Variants in ZNF354C observed in about 807,000 individuals in gnomAD.
ZNF354C encodes the protein zinc finger protein 354C.
ZNF354C carries 7 observed loss-of-function variants against 12.4 expected under a neutral mutation model. The observed-to-expected ratio is 0.56, with a 90% CI of 0.32 to 1.06. The LOEUF (loss-of-function observed/expected upper bound fraction) is 1.06. Among genes scored for constraint, ZNF354C ranks in the 50% least tolerant of loss-of-function variants. ZNF354C has a pLI of 0.04. For synonymous variants in ZNF354C, 202 were observed against 224.5 expected (o/e 0.90, Z 0.90); for missense variants, 609 against 658.0 (o/e 0.93, Z 0.81).
At chr5:179,071,795 A>G (rs775164827) in intron 2 of ZNF354C, among the ~76,000 whole-genome samples, 1 of 152,208 alleles carries the variant, frequency 6.6e-6, no homozygotes, top group Non-Finnish European at 1.5e-5. Flanking sequence ...GATTCTGTGC[A>G]CAAACTCTGC....
intron 4 of ZNF354C, among the ~76,000 whole-genome samples, chr5:179,078,481 T>G (rs923839929): frequency 6.6e-6 from 1 of 152,238 alleles, no homozygotes; most frequent in African/African-American, 2.4e-5. Flanking sequence ...ATTTGTCCAG[T>G]GTATTCTCCC....
At chr5:179,068,842 G>A (rs991852609) in intron 2 of ZNF354C, among the ~76,000 whole-genome samples, 1 of 152,190 alleles carries the variant, frequency 6.6e-6, no homozygotes, top group African/African-American at 2.4e-5. Flanking sequence ...AGATCAAGGT[G>A]TGGGCAAGTC....
chr5:179,072,073 A>T (rs2113116977), intron 2 of ZNF354C, among the ~76,000 whole-genome samples: 1 of 152,262 alleles, frequency 6.6e-6, no homozygotes, highest in African/African-American at 2.4e-5. Context: ...ACCAAAACTC[A>T]AGAGGAAGAC....
Position 179,082,692 on chromosome 5 carries a change from T to C in ZNF354C, c.*2595T>C, listed in dbSNP as rs553490377. 6.3e-7 allele frequency: 1 copy of C among 1,593,102 alleles called. No homozygotes were observed. Among genetic ancestry groups the C allele is most frequent in the South Asian group, 1.1e-5 (1 of 90,474 alleles). ...ATGTGGTTAGTCAATGACACCAGCT[T>C]GACGGATCTTTCTTTCTGCACCAAA... is the stretch of plus-strand genomic sequence containing the variant. On this transcript the variant is annotated 3_prime_UTR_variant, in exon 5 of 5. Coordinates refer to ENST00000315475, the MANE Select transcript of ZNF354C (RefSeq NM_014594.3).
At chr5:179,062,904 C>T (rs1305364617) in intron 2 of ZNF354C, among the ~76,000 whole-genome samples, 1 of 152,156 alleles carries the variant, frequency 6.6e-6, no homozygotes, top group Non-Finnish European at 1.5e-5. Context: ...ATTTTCATTA[C>T]TTTAACCCTC....
At chr5:179,074,015 G>T (rs560675102) in intron 2 of ZNF354C, among the ~76,000 whole-genome samples, 6 of 150,352 alleles carry the variant, frequency 4.0e-5, no homozygotes, top group African/African-American at 1.5e-4. Context: ...AAAGAGTCTC[G>T]CTCTGTCTCC....
intron 2 of ZNF354C, among the ~76,000 whole-genome samples, chr5:179,063,950 G>A (rs755264353): frequency 6.6e-6 from 1 of 152,190 alleles, no homozygotes; most frequent in Non-Finnish European, 1.5e-5. Flanking sequence ...GCCTCACTAG[G>A]CCTGATTCCT....
At chr5:179,061,986 G>T (rs1761900190) in intron 1 of ZNF354C, 29 bp from the exon 2 acceptor site, 5 of 1,492,950 alleles carry the variant, frequency 3.3e-6, no homozygotes, top group East Asian at 2.3e-5. Context: ...TGACGCCAGG[G>T]TTCCTCTTGA....
rs571443852 is a variant in ZNF354C, at chr5:179,082,371, T to C, written c.*2274T>C. On this transcript the variant is annotated 3_prime_UTR_variant, in exon 5 of 5. Coordinates refer to ENST00000315475, the MANE Select transcript of ZNF354C (RefSeq NM_014594.3). Reference sequence around the variant, plus strand: ...TTAAATCTTTTGTCTAGACTTATCTTCCTGTTTAAAGAAATACAGGAATAG... The same window carrying C: ...TTAAATCTTTTGTCTAGACTTATCTCCCTGTTTAAAGAAATACAGGAATAG... The C allele has an allele frequency of 1.4e-5, 4 of 287,784 alleles. No individual in the cohort carries two copies. The highest frequency in any genetic ancestry group is 6.7e-5 in the African/African-American group (3 of 44,778). The allele number at this position is 287,784 out of a possible 1,614,324, so 17.8% of individuals were successfully genotyped here. A position where few individuals can be genotyped will look rare whatever the true frequency, so the allele number is the denominator to read the frequency against.
intron 2 of ZNF354C, among the ~76,000 whole-genome samples, chr5:179,067,150 G>A (rs1213885277): frequency 2.0e-5 from 3 of 152,126 alleles, no homozygotes; most frequent in Admixed American, 6.5e-5. Flanking sequence ...ACACAAAGTC[G>A]GGTGTCTCAG....
chr5:179,076,488 A>C lies in ZNF354C; in HGVS notation c.71A>C (p.Asp24Ala), dbSNP rs766507183. The change falls in exon 3 of 5, where the codon GAC (aspartate) becomes GCC (alanine). Residue 24 changes from aspartate (D) to alanine (A), a missense_variant. Asp to Ala is a moderately radical substitution (Grantham distance 126, BLOSUM62 -2). Coordinates refer to ENST00000315475, the MANE Select transcript of ZNF354C (RefSeq NM_014594.3). The stretch of plus-strand genomic sequence containing the variant: ...GATGTGGCCGTGTTCTTCAGCCAGG[A>C]CGAGTGGTTGCACCTGGACTCTGCC... ...FRDVAVFFSQ[D>A]EWLHLDSAQR... The C allele has an allele frequency of 1.4e-5, 23 of 1,614,166 alleles. No individual in the cohort carries two copies. Among genetic ancestry groups the C allele is most frequent in the Non-Finnish European group, 1.4e-5 (16 of 1,180,032 alleles).
rs1455151739 is a variant in ZNF354C at position 179,082,021 on chromosome 5, T to C, written c.*1924T>C. On this transcript the variant is annotated 3_prime_UTR_variant, in exon 5 of 5. Transcript: ENST00000315475. ...AAAAAAGAAAACTCTATACAATTAT[T>C]TGAAGAATGTCTTCTTTTAAATGTA... The C allele has an allele frequency of 6.6e-6, 1 of 152,248 alleles. No homozygotes were observed. The highest frequency in any genetic ancestry group is 1.5e-5 in the Non-Finnish European group (1 of 68,048). The allele number at this position is 152,248 out of a possible 1,614,324, so 9.4% of individuals were successfully genotyped here. A position where few individuals can be genotyped will look rare whatever the true frequency, so the allele number is the denominator to read the frequency against.
At chr5:179,061,982 C>T in intron 1 of ZNF354C, 33 bp from the exon 2 acceptor site, 1 of 1,471,656 alleles carries the variant, frequency 6.8e-7, no homozygotes, top group Non-Finnish European at 9.5e-7. Context: ...CTCCTGACGC[C>T]AGGGTTCCTC....
intron 2 of ZNF354C, among the ~76,000 whole-genome samples, chr5:179,066,230 G>A (rs966995203): frequency 2.0e-5 from 3 of 151,832 alleles, no homozygotes; most frequent in African/African-American, 7.3e-5. Flanking sequence ...ACAACTAATC[G>A]AAGTCCACCT....
At position 179,083,217 on chromosome 5, in the gene ZNF354C, TAA is replaced by T. The variant is rs1360579419; in HGVS notation, c.*3121_*3122del. On this transcript the variant is annotated 3_prime_UTR_variant, in exon 5 of 5. Transcript: ENST00000315475. The stretch of plus-strand genomic sequence containing the variant: ...AGCTTCTGATTCATAAAAAAACCTA[TAA>T]GAGACATTTGGGGGGATATTTGGGG... 1.0e-5 allele frequency: 3 copies of T among 290,650 alleles called. No individual in the cohort carries two copies. The highest frequency in any genetic ancestry group is 7.2e-5 in the East Asian group (1 of 13,942). The allele number at this position is 290,650 out of a possible 1,614,324, so 18.0% of individuals were successfully genotyped here. A position where few individuals can be genotyped will look rare whatever the true frequency, so the allele number is the denominator to read the frequency against.
At chr5:179,071,130 C>T (rs144176915) in intron 2 of ZNF354C, among the ~76,000 whole-genome samples, 72 of 152,112 alleles carry the variant, frequency 4.7e-4, no homozygotes, top group African/African-American at 1.7e-3. Flanking sequence ...GGATTACAGG[C>T]GTGAGCCACT....
At chr5:179,072,202 A>G (rs1762061633) in intron 2 of ZNF354C, among the ~76,000 whole-genome samples, 1 of 152,242 alleles carries the variant, frequency 6.6e-6, no homozygotes, top group Middle Eastern at 3.4e-3. Flanking sequence ...GAATGAACTA[A>G]TAGGAAATGC....
At chr5:179,063,109 T>C (rs1761915979) in intron 2 of ZNF354C, among the ~76,000 whole-genome samples, 1 of 152,132 alleles carries the variant, frequency 6.6e-6, no homozygotes, top group Non-Finnish European at 1.5e-5. Context: ...CAATAGCCCA[T>C]AGGCTGGAAA....
rs1316845414 is a variant in ZNF354C, at chr5:179,081,256, A to G, written c.*1159A>G. The G allele has an allele frequency of 6.6e-6, 1 of 152,166 alleles. No homozygotes were observed. Among genetic ancestry groups the G allele is most frequent in the African/African-American group, 2.4e-5 (1 of 41,450 alleles). 9.4% of individuals were successfully genotyped at this position (152,166 alleles called of 1,614,324 possible). On this transcript the variant is annotated 3_prime_UTR_variant, in exon 5 of 5. Coordinates refer to ENST00000315475, the MANE Select transcript of ZNF354C (RefSeq NM_014594.3). ...GCCTGCTTTTGTTATAATTGTACTTAAATCCTTAAAGCTAGCTGAGGTCCA... is the reference window on the plus strand; with the variant it reads ...GCCTGCTTTTGTTATAATTGTACTTGAATCCTTAAAGCTAGCTGAGGTCCA...
Sources: allele counts gnomAD v4.1 joint callset (sites outside exome capture counted in the v4.1 genomes callset), GRCh38; gene constraint gnomAD v4.1.1; transcripts MANE v1.5; gene names NCBI Gene and HGNC (gene_info 2026-07-23, HGNC 2026-07-21).